NRXN3: variants seen among roughly 807,000 people sequenced by gnomAD.
NRXN3 encodes the protein neurexin III.
In NRXN3, 32 loss-of-function variants were observed where a neutral mutation model predicts 137.6. That is an observed-to-expected ratio of 0.23 (90% CI 0.18 to 0.31). The LOEUF is 0.31. NRXN3 is among the 10% of genes least tolerant of loss of function. The pLI, the probability that NRXN3 is intolerant of heterozygous loss-of-function variation, is 1.00. For missense variants in NRXN3, 1,574 were observed against 2,062.5 expected, an observed-to-expected ratio of 0.76 and a Z score of 4.59; for synonymous variants, 798 against 784.5, an observed-to-expected ratio of 1.02 and a Z score of -0.29.
At chr14:78,406,512 G>A (rs1158719229) in intron 4 of NRXN3, among the ~76,000 whole-genome samples, 1 of 152,134 alleles carries the variant, frequency 6.6e-6, no homozygotes, top group African/African-American at 2.4e-5. Context: ...AATAAATTTT[G>A]CAAAAGGAAA....
intron 6 of NRXN3, among the ~76,000 whole-genome samples, chr14:78,659,178 G>A (rs1280047963): frequency 6.6e-6 from 1 of 152,208 alleles, no homozygotes; most frequent in African/African-American, 2.4e-5. Flanking sequence ...GAAAGACCAT[G>A]TGAAGACAGA....
chr14:79,584,602 C>T (rs1161718133), intron 16 of NRXN3, among the ~76,000 whole-genome samples: 1 of 152,092 alleles, frequency 6.6e-6, no homozygotes, highest in African/African-American at 2.4e-5. Context: ...AACCTTGAGA[C>T]CTAGATAACA....
At chr14:79,255,957 C>T (rs2076513924) in intron 15 of NRXN3, among the ~76,000 whole-genome samples, 1 of 152,082 alleles carries the variant, frequency 6.6e-6, no homozygotes, top group Non-Finnish European at 1.5e-5. Context: ...GGCTGGGAAC[C>T]CATAACTAAA....
intron 15 of NRXN3, among the ~76,000 whole-genome samples, chr14:79,355,256 A>T (rs10150867): frequency 3.6e-5 from 5 of 140,560 alleles, no homozygotes; most frequent in African/African-American, 1.5e-4. Context: ...TCTGTCCCCC[A>T]CCCCCTTCCT....
chr14:79,100,318 T>G (rs941795562), intron 15 of NRXN3, among the ~76,000 whole-genome samples: 4 of 152,232 alleles, frequency 2.6e-5, no homozygotes, highest in Non-Finnish European at 4.4e-5. Flanking sequence ...TTACTTTGAA[T>G]CCCCGATCGT....
Position 78,197,435 on chromosome 14 carries a change from T to C in NRXN3, c.-704+26761T>C, listed in dbSNP as rs115605364. ...TCCTGTGACTGACCCCAAACCCTCC[T>C]GTGCAGCAATTGGGGAGGTTCTTGG... On this transcript the variant is annotated intron_variant, in intron 1 of 20. Transcript: ENST00000335750. Among the ~76,000 whole-genome samples the C allele has an allele frequency of 3.0e-3, 451 of 152,356 alleles. 1 individual carries two copies. The highest frequency in any genetic ancestry group is 0.011 in the African/African-American group (437 of 41,580).
At chr14:79,761,875 G>A (rs1479813097) in intron 19 of NRXN3, among the ~76,000 whole-genome samples, 1 of 151,524 alleles carries the variant, frequency 6.6e-6, no homozygotes, top group African/African-American at 2.4e-5. Flanking sequence ...AAAGGAAGAG[G>A]ATGTCTTATC....
intron 15 of NRXN3, among the ~76,000 whole-genome samples, chr14:79,180,628 A>G (rs1308629068): frequency 2.0e-5 from 3 of 152,154 alleles, no homozygotes; most frequent in African/African-American, 7.2e-5. Context: ...TTTATATAAC[A>G]GAGACTTTAA....
At position 79,740,710 on chromosome 14, in the gene NRXN3, TTTTATATATATA is replaced by T. The variant is rs1342607854; in HGVS notation, c.4014+42775_4014+42786del. Reference sequence around the variant, plus strand: ...TTTCCACTGGACTTTGCATTTAGTTTTTTATATATATATATATATATATATATATATATATAT... The same window carrying T: ...TTTCCACTGGACTTTGCATTTAGTTTTATATATATATATATATATATATAT... On this transcript the variant is annotated intron_variant, in intron 19 of 20. Transcript: ENST00000335750. Among the ~76,000 whole-genome samples, 422 of 73,640 alleles carry T rather than the reference TTTTATATATATA, an allele frequency of 5.7e-3. 39 individuals carry two copies. The highest frequency in any genetic ancestry group is 0.012 in the African/African-American group (231 of 18,540). The allele number at this position is 73,640 out of a possible 152,430, so 48.3% of individuals were successfully genotyped here. A position where few individuals can be genotyped will look rare whatever the true frequency, so the allele number is the denominator to read the frequency against.
At chr14:78,516,531 A>C (rs2096210487) in intron 4 of NRXN3, among the ~76,000 whole-genome samples, 1 of 151,350 alleles carries the variant, frequency 6.6e-6, no homozygotes, top group Non-Finnish European at 1.5e-5. Context: ...GATGGCATTG[A>C]GAAGTAGTGA....
At position 79,109,272 on chromosome 14, in the gene NRXN3, G is replaced by A. The variant is rs556007756; in HGVS notation, c.3262+121131G>A. On this transcript the variant is annotated intron_variant, in intron 15 of 20. Transcript: ENST00000335750. ...TGCCATGTTTGTGGATTCAGAAGTA[G>A]CCTTATCAATCAATTAGCCTTATCT... Among the ~76,000 whole-genome samples the A allele has an allele frequency of 4.7e-5, 7 of 149,814 alleles. No homozygotes were observed. The South Asian group carries it at 1.5e-3, about 32-fold the overall frequency.
chr14:79,212,800 A>T (rs2067882224), intron 15 of NRXN3, among the ~76,000 whole-genome samples: 1 of 151,846 alleles, frequency 6.6e-6, no homozygotes. Flanking sequence ...ATCCTCACTC[A>T]TATTTTGAAT....
chr14:78,444,515 T>C (rs75406102), intron 4 of NRXN3, among the ~76,000 whole-genome samples: 5 of 152,188 alleles, frequency 3.3e-5, no homozygotes, highest in Non-Finnish European at 7.4e-5. Flanking sequence ...CTCCCAGTCA[T>C]TCAGCTCTCA....
At chr14:79,090,921 A>G (rs1044526863) in intron 15 of NRXN3, among the ~76,000 whole-genome samples, 3 of 152,130 alleles carry the variant, frequency 2.0e-5, no homozygotes, top group Admixed American at 2.0e-4. Flanking sequence ...ATTTGGAGAT[A>G]AAGGAGCTAC....
intron 16 of NRXN3, among the ~76,000 whole-genome samples, chr14:79,565,249 A>G (rs1156990722): frequency 5.4e-5 from 2 of 36,856 alleles, no homozygotes; most frequent in Non-Finnish European, 1.0e-4. Flanking sequence ...ATGTGTGTGT[A>G]TATATACATA....
At chr14:79,197,539 A>G (rs1305858967) in intron 15 of NRXN3, among the ~76,000 whole-genome samples, 1 of 149,370 alleles carries the variant, frequency 6.7e-6, no homozygotes, top group African/African-American at 2.5e-5. Context: ...TTCTTTTCTT[A>G]CTGTATCTGT....
At chr14:78,875,581 T>TA (rs1186002582) in intron 10 of NRXN3, among the ~76,000 whole-genome samples, 1 of 152,226 alleles carries the variant, frequency 6.6e-6, no homozygotes, top group African/African-American at 2.4e-5. Context: ...GATTTTGTTT[T>TA]AAAGATACCA....
At chr14:78,876,132 G>T (rs1240118449) in intron 10 of NRXN3, among the ~76,000 whole-genome samples, 1 of 152,154 alleles carries the variant, frequency 6.6e-6, no homozygotes, top group Non-Finnish European at 1.5e-5. Flanking sequence ...TATTAAATCA[G>T]CAAAGCCTGG....
At chr14:79,277,892 G>C (rs1456819491) in intron 15 of NRXN3, among the ~76,000 whole-genome samples, 1 of 152,152 alleles carries the variant, frequency 6.6e-6, no homozygotes, top group Non-Finnish European at 1.5e-5. Context: ...TGAAGCTTTT[G>C]GAGGACACCA....
Sources: allele counts gnomAD v4.1 joint callset (sites outside exome capture counted in the v4.1 genomes callset), GRCh38; gene constraint gnomAD v4.1.1; transcripts MANE v1.5; gene names NCBI Gene and HGNC (gene_info 2026-07-23, HGNC 2026-07-21).